The following ACYP2 variants were observed in gnomAD, a reference collection of about 807,000 sequenced individuals.
The protein encoded by ACYP2 is acylphosphatase-2.
A neutral mutation model predicts 11.2 loss-of-function variants in ACYP2; 12 were observed. That is an observed-to-expected ratio of 1.08 (90% CI 0.69 to 1.74). The LOEUF is 1.74. Among genes scored for constraint, ACYP2 ranks in the 40% most tolerant of loss-of-function variants. The probability of loss-of-function intolerance (pLI) is 0.00; values close to 1 mark genes in which losing one functional copy is unlikely to be tolerated. For synonymous variants in ACYP2, 43 were observed against 32.2 expected (o/e 1.33, Z -1.13); for missense variants, 134 against 101.9 (o/e 1.31, Z -1.35).
intron 2 of ACYP2, among the ~76,000 whole-genome samples, chr2:53,984,267 C>G (rs1284806763): frequency 6.6e-6 from 1 of 152,054 alleles, no homozygotes; most frequent in Admixed American, 6.6e-5. Context: ...CCCACCTGAA[C>G]ATAGATGGAG....
At chr2:54,173,253 T>A in intron 6 of ACYP2, among the ~76,000 whole-genome samples, 1 of 152,244 alleles carries the variant, frequency 6.6e-6, no homozygotes, top group Non-Finnish European at 1.5e-5. Flanking sequence ...TGGTGTGAGA[T>A]GGTATCTCAT....
intron 6 of ACYP2, among the ~76,000 whole-genome samples, chr2:54,163,839 A>G (rs529252504): frequency 6.6e-6 from 1 of 152,298 alleles, no homozygotes; most frequent in East Asian, 1.9e-4. Context: ...CTGGCCACCA[A>G]GAGCAAAACT....
At chr2:53,978,090 C>T (rs903434391) in intron 2 of ACYP2, among the ~76,000 whole-genome samples, 1 of 151,554 alleles carries the variant, frequency 6.6e-6, no homozygotes, top group Non-Finnish European at 1.5e-5. Flanking sequence ...GAAGAAACCC[C>T]ATCTCTACTA....
intron 6 of ACYP2, among the ~76,000 whole-genome samples, chr2:54,148,161 T>C (rs1451439397): frequency 6.6e-6 from 1 of 152,118 alleles, no homozygotes; most frequent in Non-Finnish European, 1.5e-5. Flanking sequence ...CAAACAGATA[T>C]CTACTTGTGT....
chr2:54,093,188 G>A (rs565280222), intron 4 of ACYP2, among the ~76,000 whole-genome samples: 4 of 152,334 alleles, frequency 2.6e-5, no homozygotes, highest in Admixed American at 6.5e-5. Context: ...ATGCAAATGA[G>A]CTAAGTCCTC....
At chr2:54,002,895 G>A (rs545380455) in intron 2 of ACYP2, among the ~76,000 whole-genome samples, 2 of 151,274 alleles carry the variant, frequency 1.3e-5, no homozygotes, top group African/African-American at 2.4e-5. Flanking sequence ...TGATCCGCCC[G>A]CCTCGGCCTC....
At chr2:54,266,683 G>T (rs1165218169) in intron 6 of ACYP2, among the ~76,000 whole-genome samples, 1 of 125,464 alleles carries the variant, frequency 8.0e-6, no homozygotes, top group Non-Finnish European at 1.6e-5. Flanking sequence ...TCGGCTCACT[G>T]CAAGCTCCGC....
At chr2:54,241,394 G>T (rs1294768948) in intron 6 of ACYP2, among the ~76,000 whole-genome samples, 1 of 152,160 alleles carries the variant, frequency 6.6e-6, no homozygotes, top group Non-Finnish European at 1.5e-5. Context: ...TAACAAATGT[G>T]TTGAAGTATG....
At chr2:54,177,869 C>T (rs539080939) in intron 6 of ACYP2, among the ~76,000 whole-genome samples, 3 of 150,044 alleles carry the variant, frequency 2.0e-5, no homozygotes, top group East Asian at 2.0e-4. Flanking sequence ...TGTGAGCCAC[C>T]GTGTCCGGCC....
chr2:54,165,114 A>T (rs1682894395), intron 6 of ACYP2, among the ~76,000 whole-genome samples: 2 of 151,930 alleles, frequency 1.3e-5, no homozygotes, highest in Admixed American at 6.6e-5. Flanking sequence ...TCTCTTATTG[A>T]TGGGCATTTG....
At position 54,276,994 on chromosome 2, in the gene ACYP2, A is replaced by T. The variant is rs559248243; in HGVS notation, c.405-27694A>T. On this transcript the variant is annotated intron_variant, in intron 6 of 6. Coordinates refer to ENST00000607452, the MANE Select transcript of ACYP2 (RefSeq NM_001320586.2). The stretch of plus-strand genomic sequence containing the variant: ...CATCTTCATAAATTTAATGGCTATT[A>T]TTTCTATTTATGGAAATAACATATA... Among the ~76,000 whole-genome samples the T allele has an allele frequency of 2.6e-5, 4 of 152,342 alleles. No homozygotes were observed. In the South Asian group the frequency reaches 8.3e-4, roughly 32 times the overall value.
At chr2:54,101,799 A>G (rs1678909825) in intron 4 of ACYP2, among the ~76,000 whole-genome samples, 1 of 152,102 alleles carries the variant, frequency 6.6e-6, no homozygotes, top group African/African-American at 2.4e-5. Context: ...GTTTTAGCTT[A>G]ACGGAAAAAT....
chr2:54,081,038 A>G (rs1037499808), intron 4 of ACYP2, among the ~76,000 whole-genome samples: 1 of 152,216 alleles, frequency 6.6e-6, no homozygotes, highest in African/African-American at 2.4e-5. Flanking sequence ...ATATGATTTC[A>G]GGACATTTCA....
chr2:54,035,894 A>T (rs1674873834), intron 2 of ACYP2, among the ~76,000 whole-genome samples: 1 of 152,150 alleles, frequency 6.6e-6, no homozygotes, highest in African/African-American at 2.4e-5. Flanking sequence ...AAAAATATTA[A>T]ATTTCCTGAA....
intron 4 of ACYP2, among the ~76,000 whole-genome samples, chr2:54,109,808 TAATA>T (rs1327640784): frequency 6.6e-6 from 1 of 152,184 alleles, no homozygotes; most frequent in Non-Finnish European, 1.5e-5. Context: ...ATCTTAATAT[TAATA>T]AATAGTATTT....
chr2:54,247,029 G>A (rs1686985518), intron 6 of ACYP2, among the ~76,000 whole-genome samples: 1 of 152,148 alleles, frequency 6.6e-6, no homozygotes, highest in African/African-American at 2.4e-5. Context: ...AGCACAGGAA[G>A]GTTGTAACTA....
At chr2:54,237,605 T>A (rs1686545155) in intron 6 of ACYP2, among the ~76,000 whole-genome samples, 1 of 152,226 alleles carries the variant, frequency 6.6e-6, no homozygotes, top group Non-Finnish European at 1.5e-5. Context: ...TTCTCTTGAT[T>A]CTTTCAAGAA....
At chr2:54,222,276 G>A (rs1010012986) in intron 6 of ACYP2, among the ~76,000 whole-genome samples, 16 of 152,110 alleles carry the variant, frequency 1.1e-4, no homozygotes, top group African/African-American at 2.9e-4. Flanking sequence ...CAGGCCAGGC[G>A]TGGTGGCTCA....
intron 6 of ACYP2, among the ~76,000 whole-genome samples, chr2:54,200,889 C>T (rs1228719780): frequency 6.6e-6 from 1 of 152,010 alleles, no homozygotes; most frequent in Non-Finnish European, 1.5e-5. Flanking sequence ...TATGAGTGTT[C>T]TAATTTCTCT....
Sources: allele counts gnomAD v4.1 joint callset (sites outside exome capture counted in the v4.1 genomes callset), GRCh38; gene constraint gnomAD v4.1.1; transcripts MANE v1.5; gene names NCBI Gene and HGNC (gene_info 2026-07-23, HGNC 2026-07-21).